KCNH8: variants seen among roughly 807,000 people sequenced by gnomAD.
The protein encoded by KCNH8 is voltage-gated delayed rectifier potassium channel KCNH8.
KCNH8 carries 70 observed loss-of-function variants against 103.6 expected under a neutral mutation model. The observed-to-expected ratio is 0.68, with a 90% CI of 0.56 to 0.82. KCNH8 has a LOEUF of 0.82. KCNH8 is among the 40% of genes least tolerant of loss of function. KCNH8 has a pLI of 0.00. For synonymous variants in KCNH8, 498 were observed against 489.4 expected (o/e 1.02, Z -0.23); for missense variants, 1,217 against 1,329.9 (o/e 0.92, Z 1.32).
At chr3:19,344,324 G>T (rs1318477558) in intron 4 of KCNH8, among the ~76,000 whole-genome samples, 1 of 152,034 alleles carries the variant, frequency 6.6e-6, no homozygotes, top group African/African-American at 2.4e-5. Context: ...AACATAGCAA[G>T]TATTAGTGAG....
At chr3:19,480,850 A>G (rs1417952048) in intron 11 of KCNH8, among the ~76,000 whole-genome samples, 3 of 152,320 alleles carry the variant, frequency 2.0e-5, no homozygotes, top group Non-Finnish European at 2.9e-5. Context: ...TATCTTTCCA[A>G]TTTAAGAGTC....
At chr3:19,305,851 G>T (rs2065123215) in intron 3 of KCNH8, among the ~76,000 whole-genome samples, 1 of 152,006 alleles carries the variant, frequency 6.6e-6, no homozygotes, top group South Asian at 2.1e-4. Flanking sequence ...AAAACGAAGA[G>T]ATGGAAAGAG....
At chr3:19,190,589 G>T (rs554832971) in intron 1 of KCNH8, among the ~76,000 whole-genome samples, 219 of 152,002 alleles carry the variant, frequency 1.4e-3, no homozygotes, top group Non-Finnish European at 1.8e-3. Flanking sequence ...GGAATAATAC[G>T]TGTCCAATGT....
chr3:19,471,713 G>C (rs906434885), intron 11 of KCNH8, among the ~76,000 whole-genome samples: 3 of 152,158 alleles, frequency 2.0e-5, no homozygotes, highest in African/African-American at 7.2e-5. Flanking sequence ...GTAAGCAAGG[G>C]AGATCAATTA....
chr3:19,247,015 T>G (rs1217782819), intron 1 of KCNH8, among the ~76,000 whole-genome samples: 1 of 152,202 alleles, frequency 6.6e-6, no homozygotes, highest in Non-Finnish European at 1.5e-5. Context: ...GTTCCAGCTT[T>G]GAGCTTTGCA....
chr3:19,399,044 C>T (rs975534992), intron 7 of KCNH8, among the ~76,000 whole-genome samples: 18 of 151,894 alleles, frequency 1.2e-4, no homozygotes, highest in Admixed American at 7.9e-4. Context: ...ATTGCACATA[C>T]GTAGGAAATT....
chr3:19,522,680 T>G (rs2068992508), intron 15 of KCNH8, among the ~76,000 whole-genome samples: 1 of 151,766 alleles, frequency 6.6e-6, no homozygotes, highest in Admixed American at 6.6e-5. Flanking sequence ...CCAACAAATG[T>G]CTTCTGTTTG....
intron 5 of KCNH8, among the ~76,000 whole-genome samples, chr3:19,352,076 G>A (rs1216383696): frequency 6.6e-6 from 1 of 151,970 alleles, no homozygotes; most frequent in Non-Finnish European, 1.5e-5. Context: ...AAAAAAGCAG[G>A]GGTTGGAATC....
chr3:19,413,133 C>G (rs138184584), intron 7 of KCNH8, among the ~76,000 whole-genome samples: 1 of 109,878 alleles, frequency 9.1e-6, no homozygotes, highest in Non-Finnish European at 1.9e-5. Flanking sequence ...TGCCTATCAG[C>G]GGTGGATTGG....
At chr3:19,368,823 G>A (rs889712298) in intron 5 of KCNH8, among the ~76,000 whole-genome samples, 2 of 151,882 alleles carry the variant, frequency 1.3e-5, no homozygotes, top group Admixed American at 6.6e-5. Flanking sequence ...AGATGGTCTC[G>A]TCAAGAAAAA....
rs113869322 is a variant in KCNH8, at chr3:19,423,148, T to C, written c.1178-15016T>C. On this transcript the variant is annotated intron_variant, in intron 7 of 15. Coordinates refer to ENST00000328405, the MANE Select transcript of KCNH8 (RefSeq NM_144633.3). ...AAAGACTGAAAAGCTTCTCTCATGA[T>C]TGTACATTTGTTGGGTCAGACTGCA... Among the ~76,000 whole-genome samples, 192 of 152,188 alleles carry C rather than the reference T, an allele frequency of 1.3e-3. 2 individuals carry two copies. Among genetic ancestry groups the C allele is most frequent in the Admixed American group, 0.01 (153 of 15,286 alleles).
At chr3:19,451,828 G>C (rs1307626786) in intron 10 of KCNH8, among the ~76,000 whole-genome samples, 5 of 152,100 alleles carry the variant, frequency 3.3e-5, no homozygotes, top group African/African-American at 9.7e-5. Flanking sequence ...ACCTGTACTA[G>C]AAATAGAGCA....
intron 5 of KCNH8, among the ~76,000 whole-genome samples, chr3:19,375,198 T>C (rs2066173299): frequency 6.6e-6 from 1 of 152,052 alleles, no homozygotes; most frequent in Admixed American, 6.6e-5. Context: ...TCCTGCAGGG[T>C]GTTTTCCAGG....
At position 19,450,286 on chromosome 3, in the gene KCNH8, A is replaced by G. The variant is rs1399157535; in HGVS notation, c.1556A>G (p.Asn519Ser). ...EYFQTTWSVNNGIDSNELLKD... is the reference protein window; with the variant it reads ...EYFQTTWSVNSGIDSNELLKD... Reference sequence around the variant, plus strand: ...TTTCAAACAACCTGGTCAGTCAACAATGGAATAGATTCAAATGAGGTAATG... The same window carrying G: ...TTTCAAACAACCTGGTCAGTCAACAGTGGAATAGATTCAAATGAGGTAATG... Residue 519 changes from asparagine to serine, a missense_variant, in exon 9 of 16, where the codon AAT becomes AGT. By Grantham distance (46) the Asn-to-Ser change is conservative. Coordinates refer to ENST00000328405, the MANE Select transcript of KCNH8 (RefSeq NM_144633.3). 2.5e-6 allele frequency: 4 copies of G among 1,612,854 alleles called. No homozygotes were observed. Among genetic ancestry groups the G allele is most frequent in the African/African-American group, 2.7e-5 (2 of 74,874 alleles).
chr3:19,272,878 T>C (rs924288989), intron 2 of KCNH8, among the ~76,000 whole-genome samples: 1 of 152,200 alleles, frequency 6.6e-6, no homozygotes, highest in African/African-American at 2.4e-5. Context: ...TTATTGTTTT[T>C]CACTCCAATT....
At chr3:19,475,535 T>G (rs547844918) in intron 11 of KCNH8, among the ~76,000 whole-genome samples, 4 of 152,300 alleles carry the variant, frequency 2.6e-5, no homozygotes, top group African/African-American at 9.6e-5. Context: ...TGTCCCTAAT[T>G]TCCTCACTGT....
chr3:19,329,583 A>C (rs73182745), intron 3 of KCNH8, among the ~76,000 whole-genome samples: 16,799 of 152,138 alleles, frequency 0.11, 1,073 homozygotes, highest in East Asian at 0.18. Context: ...CTAGAAGGGA[A>C]CGTCTTTCTT....
At chr3:19,196,993 C>T (rs2063608680) in intron 1 of KCNH8, among the ~76,000 whole-genome samples, 1 of 152,034 alleles carries the variant, frequency 6.6e-6, no homozygotes, top group Non-Finnish European at 1.5e-5. Context: ...TTCAGATTTA[C>T]AGAGGAAAGA....
chr3:19,278,218 A>C (rs2064702920), intron 2 of KCNH8, among the ~76,000 whole-genome samples: 1 of 152,106 alleles, frequency 6.6e-6, no homozygotes, highest in South Asian at 2.1e-4. Flanking sequence ...AAGTATAAAG[A>C]GTCTTGCATT....
Sources: allele counts gnomAD v4.1 joint callset (sites outside exome capture counted in the v4.1 genomes callset), GRCh38; gene constraint gnomAD v4.1.1; transcripts MANE v1.5; gene names NCBI Gene and HGNC (gene_info 2026-07-23, HGNC 2026-07-21).